TCF7L1: variants seen among roughly 807,000 people sequenced by gnomAD.
TCF7L1 encodes the protein transcription factor 7 like 1.
Under a neutral mutation model 63.7 loss-of-function variants are expected in TCF7L1, and 18 were observed. The ratio of observed to expected loss-of-function variants is 0.28; its 90% CI spans 0.20 to 0.42. The LOEUF (loss-of-function observed/expected upper bound fraction) is 0.42. Ranked by LOEUF, TCF7L1 falls within the 10% of genes least tolerant of loss-of-function variation. The probability of loss-of-function intolerance (pLI) is 1.00; values close to 1 mark genes in which losing one functional copy is unlikely to be tolerated. For synonymous variants in TCF7L1, 355 were observed against 340.9 expected (o/e 1.04, Z -0.46); for missense variants, 654 against 779.3 (o/e 0.84, Z 1.91).
In TCF7L1 at chr2:85,304,241, C is replaced by T. The variant is rs1276827915; in HGVS notation, c.762-14C>T. 1.9e-6 allele frequency: 3 copies of T among 1,610,652 alleles called. No individual in the cohort carries two copies. The highest frequency in any genetic ancestry group is 3.4e-5 in the Admixed American group (2 of 59,698). Reference sequence around the variant, plus strand: ...CTTTCCCAATATGCTGACCAGATTTCCTCCCCCTCACAGGCAAGGCCAGCC... The same window carrying T: ...CTTTCCCAATATGCTGACCAGATTTTCTCCCCCTCACAGGCAAGGCCAGCC... On this transcript the variant is annotated splice_polypyrimidine_tract_variant and intron_variant, in intron 6 of 11. Transcript: ENST00000282111.
At chr2:85,175,989 C>A (rs1038017036) in intron 3 of TCF7L1, among the ~76,000 whole-genome samples, 8 of 152,214 alleles carry the variant, frequency 5.3e-5, no homozygotes, top group African/African-American at 1.7e-4. Flanking sequence ...TGGGACAATT[C>A]CTGTGAAGAC....
chr2:85,216,722 G>A (rs2104296086), intron 3 of TCF7L1, among the ~76,000 whole-genome samples: 1 of 152,290 alleles, frequency 6.6e-6, no homozygotes, highest in East Asian at 1.9e-4. Flanking sequence ...CTACCAAGGA[G>A]AGCATGATAG....
At chr2:85,231,146 C>T (rs532563354) in intron 3 of TCF7L1, among the ~76,000 whole-genome samples, 2 of 152,270 alleles carry the variant, frequency 1.3e-5, no homozygotes, top group South Asian at 2.1e-4. Flanking sequence ...CTAATGTGCG[C>T]CCCCAGGAAG....
At chr2:85,187,305 A>G (rs766761647) in intron 3 of TCF7L1, 6 of 152,220 alleles carry the variant, frequency 3.9e-5, no homozygotes, top group Admixed American at 1.3e-4. Flanking sequence ...AGCCAAAGGT[A>G]TGACTGTCTA....
chr2:85,256,003 A>G (rs1680707685), intron 3 of TCF7L1, among the ~76,000 whole-genome samples: 2 of 151,980 alleles, frequency 1.3e-5, no homozygotes, highest in Non-Finnish European at 2.9e-5. Flanking sequence ...GGCAAATGGG[A>G]GGTTAATGTG....
At chr2:85,304,555 T>C (rs772457236) in intron 7 of TCF7L1, among the ~76,000 whole-genome samples, 10 of 151,964 alleles carry the variant, frequency 6.6e-5, no homozygotes, top group Non-Finnish European at 1.0e-4. Context: ...AACAGAAGGA[T>C]TGCAAAGCCC....
intron 3 of TCF7L1, among the ~76,000 whole-genome samples, chr2:85,203,810 G>C (rs1470501985): frequency 6.6e-6 from 1 of 152,058 alleles, no homozygotes; most frequent in African/African-American, 2.4e-5. Context: ...ATTCTAAATA[G>C]ATTAAAAAGA....
chr2:85,165,983 T>C (rs1211802463), intron 3 of TCF7L1, among the ~76,000 whole-genome samples: 1 of 152,246 alleles, frequency 6.6e-6, no homozygotes, highest in African/African-American at 2.4e-5. Flanking sequence ...TTATCCCATG[T>C]ATAAATTTGT....
At chr2:85,162,920 A>T (rs1678324596) in intron 3 of TCF7L1, among the ~76,000 whole-genome samples, 1 of 152,058 alleles carries the variant, frequency 6.6e-6, no homozygotes, top group Non-Finnish European at 1.5e-5. Context: ...TGTTCATCCG[A>T]ATTACTCATC....
intron 3 of TCF7L1, among the ~76,000 whole-genome samples, chr2:85,194,373 A>G (rs1391902941): frequency 5.9e-5 from 9 of 152,196 alleles, no homozygotes; most frequent in Admixed American, 5.9e-4. Context: ...TACTAAAAAT[A>G]CAAAAATTAG....
chr2:85,217,379 T>G (rs1435183248), intron 3 of TCF7L1, among the ~76,000 whole-genome samples: 2 of 152,334 alleles, frequency 1.3e-5, no homozygotes, highest in East Asian at 3.9e-4. Flanking sequence ...ACTCTTTAAT[T>G]TCCAAGGTCT....
chr2:85,210,553 A>G (rs895330650), intron 3 of TCF7L1, among the ~76,000 whole-genome samples: 1 of 152,168 alleles, frequency 6.6e-6, no homozygotes, highest in Admixed American at 6.5e-5. Context: ...CATAGCCAAG[A>G]TTTGTCCAGG....
intron 3 of TCF7L1, among the ~76,000 whole-genome samples, chr2:85,175,546 G>A (rs927323140): frequency 6.6e-6 from 1 of 152,160 alleles, no homozygotes; most frequent in Non-Finnish European, 1.5e-5. Flanking sequence ...CTTGAGATAA[G>A]CAAATCGACA....
chr2:85,270,173 C>T (rs1390929472), intron 3 of TCF7L1, among the ~76,000 whole-genome samples: 3 of 152,214 alleles, frequency 2.0e-5, no homozygotes, highest in South Asian at 2.1e-4. Flanking sequence ...CCCAGATAAG[C>T]GCTTCCTGTT....
chr2:85,206,288 C>T (rs1393920614), intron 3 of TCF7L1, among the ~76,000 whole-genome samples: 5 of 152,224 alleles, frequency 3.3e-5, no homozygotes, highest in Non-Finnish European at 7.3e-5. Flanking sequence ...TGTGTTGGCT[C>T]TTGACCAGAG....
intron 3 of TCF7L1, among the ~76,000 whole-genome samples, chr2:85,216,358 G>T (rs897168246): frequency 3.9e-5 from 6 of 151,970 alleles, no homozygotes; most frequent in African/African-American, 1.5e-4. Context: ...AATGCAATTT[G>T]CCCGTTTCCG....
chr2:85,287,609 G>A (rs1407434604), intron 4 of TCF7L1, among the ~76,000 whole-genome samples: 1 of 152,162 alleles, frequency 6.6e-6, no homozygotes, highest in African/African-American at 2.4e-5. Context: ...TAGTTTTCTA[G>A]TAAATTTTAT....
chr2:85,144,319 G>A (rs78514033), intron 3 of TCF7L1, among the ~76,000 whole-genome samples: 1,559 of 150,688 alleles, frequency 0.01, 11 homozygotes, highest in South Asian at 0.019. Flanking sequence ...GGTAGCTCAC[G>A]CCTGTAATCC....
chr2:85,137,364 G>C (rs568885441), intron 3 of TCF7L1, among the ~76,000 whole-genome samples: 4 of 152,312 alleles, frequency 2.6e-5, no homozygotes, highest in African/African-American at 9.6e-5. Flanking sequence ...GGGATGCTGG[G>C]AAGTGGCTTT....
Sources: gnomAD v4.1 joint callset for allele counts (sites outside exome capture counted in the v4.1 genomes callset) on GRCh38, gnomAD v4.1.1 for gene constraint, MANE v1.5 for transcripts, NCBI Gene and HGNC (gene_info 2026-07-23, HGNC 2026-07-21) for gene names.